The following DPP6 variants were observed in gnomAD, a reference collection of about 807,000 sequenced individuals.
DPP6 encodes the protein A-type potassium channel modulatory protein DPP6.
A neutral mutation model predicts 122.6 loss-of-function variants in DPP6; 69 were observed. The observed-to-expected ratio is 0.56, with a 90% CI of 0.46 to 0.69. DPP6 has a LOEUF of 0.69. DPP6 is among the 30% of genes least tolerant of loss of function. DPP6 has a pLI of 0.00. For missense variants in DPP6, 928 were observed against 1,116.9 expected (o/e 0.83, Z 2.41); for synonymous variants, 418 against 433.1 (o/e 0.97, Z 0.43).
At chr7:153,857,985 T>C in the DPP6 span, among the ~76,000 whole-genome samples, 1 of 152,246 alleles carries the variant, frequency 6.6e-6, no homozygotes, top group Admixed American at 6.5e-5. Context: ...AAATTTGTGA[T>C]GATGTGATCT....
chr7:153,863,466 CT>C, the DPP6 span, among the ~76,000 whole-genome samples: 114 of 151,166 alleles, frequency 7.5e-4, 1 homozygote, highest in Non-Finnish European at 1.2e-3. Context: ...TCCCCTCAGT[CT>C]TTTTTTTTAA....
At chr7:154,679,396 C>A (rs550421857) in intron 7 of DPP6, among the ~76,000 whole-genome samples, 1 of 152,242 alleles carries the variant, frequency 6.6e-6, no homozygotes, top group South Asian at 2.1e-4. Context: ...TTATAAGAAG[C>A]TGGGTGTCCT....
intron 8 of DPP6, among the ~76,000 whole-genome samples, chr7:154,764,511 T>A (rs907821590): frequency 6.6e-6 from 1 of 152,034 alleles, no homozygotes; most frequent in African/African-American, 2.4e-5. Flanking sequence ...CTGGGAAAGG[T>A]CTTTATCCTG....
At chr7:153,891,039 T>TTG (rs1799175412) in intron 1 of DPP6, among the ~76,000 whole-genome samples, 1 of 77,872 alleles carries the variant, frequency 1.3e-5, no homozygotes, top group African/African-American at 4.8e-5. Context: ...TTTTTTTTTT[T>TTG]GAGATGGAGT....
chr7:154,434,281 G>A (rs1156275121), intron 1 of DPP6, among the ~76,000 whole-genome samples: 1 of 152,126 alleles, frequency 6.6e-6, no homozygotes, highest in African/African-American at 2.4e-5. Flanking sequence ...CCATGCTGCT[G>A]TAAAACAAAC....
At chr7:154,246,967 A>G (rs977699014) in intron 1 of DPP6, among the ~76,000 whole-genome samples, 1 of 152,250 alleles carries the variant, frequency 6.6e-6, no homozygotes, top group African/African-American at 2.4e-5. Flanking sequence ...AAATTGATCA[A>G]TTGGACTTTA....
At chr7:154,870,368 G>A (rs1450119065) in intron 18 of DPP6, among the ~76,000 whole-genome samples, 1 of 152,172 alleles carries the variant, frequency 6.6e-6, no homozygotes, top group African/African-American at 2.4e-5. Flanking sequence ...ACTTTGGGAA[G>A]CTGAGGAGGG....
At chr7:154,750,467 A>T (rs1843321919) in intron 8 of DPP6, among the ~76,000 whole-genome samples, 2 of 152,210 alleles carry the variant, frequency 1.3e-5, no homozygotes, top group South Asian at 4.1e-4. Flanking sequence ...GGCAGGAAAG[A>T]AACTTAGCCA....
intron 1 of DPP6, among the ~76,000 whole-genome samples, chr7:154,188,790 T>G (rs1446639796): frequency 1.3e-5 from 2 of 152,230 alleles, no homozygotes; most frequent in Non-Finnish European, 2.9e-5. Context: ...TATGCAAACC[T>G]ATATTTACAT....
Position 154,128,455 on chromosome 7 carries a change from G to A in DPP6, c.243+75392G>A, listed in dbSNP as rs1048291514. Among the ~76,000 whole-genome samples the A allele has an allele frequency of 8.5e-5, 13 of 152,196 alleles. 1 individual carries two copies. Among genetic ancestry groups the A allele is most frequent in the Admixed American group, 3.3e-4 (5 of 15,284 alleles). On this transcript the variant is annotated intron_variant, in intron 1 of 25. Coordinates refer to ENST00000377770, the MANE Select transcript of DPP6 (RefSeq NM_130797.4). Reference sequence around the variant, plus strand: ...CTCGCCCTATCACCCAGGCTGGAGTGCAGTGGTACGATCTCAGCTCACTGC... The same window carrying A: ...CTCGCCCTATCACCCAGGCTGGAGTACAGTGGTACGATCTCAGCTCACTGC...
intron 1 of DPP6, among the ~76,000 whole-genome samples, chr7:154,175,835 C>T (rs1426264464): frequency 1.3e-5 from 2 of 150,206 alleles, no homozygotes; most frequent in African/African-American, 2.4e-5. Flanking sequence ...TTACAGGTGT[C>T]CATCACCACA....
At chr7:154,175,131 T>TTTATA (rs1203748540) in intron 1 of DPP6, among the ~76,000 whole-genome samples, 1 of 152,114 alleles carries the variant, frequency 6.6e-6, no homozygotes, top group Non-Finnish European at 1.5e-5. Flanking sequence ...TGAATTATTC[T>TTTATA]TTATACTTAA....
At chr7:154,114,483 G>A (rs1459034946) in intron 1 of DPP6, among the ~76,000 whole-genome samples, 1 of 152,224 alleles carries the variant, frequency 6.6e-6, no homozygotes, top group Non-Finnish European at 1.5e-5. Flanking sequence ...TGAGGGTGGA[G>A]GAAGGAGGAT....
intron 8 of DPP6, 118 bp downstream of exon 8, chr7:154,728,005 G>A: frequency 6.8e-7 from 1 of 1,465,402 alleles, no homozygotes; most frequent in Non-Finnish European, 9.0e-7. Context: ...CCAGTTTCTT[G>A]AGGTTCTGCA....
intron 7 of DPP6, among the ~76,000 whole-genome samples, chr7:154,727,126 A>G (rs527849454): frequency 6.6e-6 from 1 of 152,290 alleles, no homozygotes; most frequent in East Asian, 1.9e-4. Context: ...TCATTCCCAC[A>G]TTGCTCTAAA....
At chr7:154,399,270 T>C (rs1815360918) in intron 1 of DPP6, among the ~76,000 whole-genome samples, 1 of 152,194 alleles carries the variant, frequency 6.6e-6, no homozygotes, top group Admixed American at 6.5e-5. Context: ...TTGTGACCTA[T>C]TACTGATTTC....
chr7:154,662,846 A>C (rs574178686), intron 6 of DPP6, among the ~76,000 whole-genome samples: 1 of 39,720 alleles, frequency 2.5e-5, no homozygotes, highest in African/African-American at 6.0e-5. Flanking sequence ...ATCATGATGA[A>C]TCACCATAGC....
chr7:154,278,858 GGT>G (rs1804308901), intron 1 of DPP6, among the ~76,000 whole-genome samples: 1 of 150,940 alleles, frequency 6.6e-6, no homozygotes, highest in African/African-American at 2.5e-5. Context: ...GTGTGTGTTT[GGT>G]GTGTGTATAT....
At chr7:154,263,988 AC>A (rs1443131348) in intron 1 of DPP6, among the ~76,000 whole-genome samples, 9 of 152,052 alleles carry the variant, frequency 5.9e-5, no homozygotes, top group Non-Finnish European at 1.5e-5. Context: ...ACTGCACCCA[AC>A]CTTGTTATGT....
Sources: allele counts gnomAD v4.1 joint callset (sites outside exome capture counted in the v4.1 genomes callset), GRCh38; gene constraint gnomAD v4.1.1; transcripts MANE v1.5; gene names NCBI Gene and HGNC (gene_info 2026-07-23, HGNC 2026-07-21).